The following PIK3C3 variants were observed in gnomAD, a reference collection of about 807,000 sequenced individuals.
PIK3C3 encodes the protein phosphatidylinositol 3-kinase catalytic subunit type 3.
In PIK3C3, 95 loss-of-function variants were observed where a neutral mutation model predicts 126.1. The ratio of observed to expected loss-of-function variants is 0.75; its 90% confidence interval spans 0.64 to 0.89. The LOEUF is 0.89. Among genes scored for constraint, PIK3C3 ranks in the 40% least tolerant of loss-of-function variants. The pLI is 0.00. For synonymous variants in PIK3C3, 374 were observed against 360.0 expected (o/e 1.04, Z -0.44); for missense variants, 829 against 1,063.2 (o/e 0.78, Z 3.06).
chr18:41,985,654 G>C (rs889978944), intron 4 of PIK3C3, among the ~76,000 whole-genome samples: 4 of 152,018 alleles, frequency 2.6e-5, no homozygotes, highest in Non-Finnish European at 4.4e-5. Context: ...TGCAAATATG[G>C]TGCACAAATG....
At chr18:42,040,627 A>G (rs1409990685) in intron 18 of PIK3C3, 50 bp from the exon 19 acceptor site, 6 of 1,248,888 alleles carry the variant, frequency 4.8e-6, no homozygotes, top group Non-Finnish European at 6.9e-6. Flanking sequence ...CTTTATTTTT[A>G]TTTCTTAACC....
chr18:42,069,861 A>G (rs1214801717), intron 24 of PIK3C3, among the ~76,000 whole-genome samples: 1 of 152,242 alleles, frequency 6.6e-6, no homozygotes, highest in African/African-American at 2.4e-5. Context: ...ATAGCTACAC[A>G]AGCATCTCCA....
chr18:41,958,778 A>G (rs185054511), intron 2 of PIK3C3, among the ~76,000 whole-genome samples: 1,600 of 152,124 alleles, frequency 0.011, 21 homozygotes, highest in Middle Eastern at 0.065. Flanking sequence ...AAATATATAT[A>G]TATACTTAAT....
In PIK3C3 at chr18:42,087,010, A is replaced by G. The variant is rs1318002505; in HGVS notation, c.*5873A>G. On this transcript the variant is annotated 3_prime_UTR_variant, in exon 25 of 25. Transcript: ENST00000262039. ...AGTGCCAGTTTCCTTCTGTGGTGCA[A>G]AACTAGGTGCTAAGTACACTTTTTC... 1 of 152,124 alleles carries G rather than the reference A, an allele frequency of 6.6e-6. No individual in the cohort carries two copies. The highest frequency in any genetic ancestry group is 2.4e-5 in the African/African-American group (1 of 41,402). The allele number at this position is 152,124 out of a possible 1,614,324, so 9.4% of individuals were successfully genotyped here.
At chr18:42,076,621 G>A (rs1233309592) in intron 24 of PIK3C3, among the ~76,000 whole-genome samples, 1 of 152,088 alleles carries the variant, frequency 6.6e-6, no homozygotes, top group Non-Finnish European at 1.5e-5. Flanking sequence ...AAGAATACAG[G>A]CACTTGCTAT....
In PIK3C3 at chr18:41,999,056, C is replaced by T. The variant is rs535210128; in HGVS notation, c.984+2326C>T. ...TTTTTATTTTTTAATTAAATTTTGT[C>T]TTTCTACCCCCTTTTTTTTTCCTTA... On this transcript the variant is annotated intron_variant, in intron 9 of 24. Coordinates refer to ENST00000262039, the MANE Select transcript of PIK3C3 (RefSeq NM_002647.4). 3.0e-4 allele frequency among the ~76,000 whole-genome samples: 45 copies of T among 152,060 alleles called. 1 individual carries two copies. Among genetic ancestry groups the T allele is most frequent in the Admixed American group, 2.6e-3 (39 of 15,254 alleles).
intron 9 of PIK3C3, 66 bp downstream of exon 9, chr18:41,996,796 G>A (rs1313685646): frequency 2.4e-6 from 2 of 821,810 alleles, no homozygotes; most frequent in Non-Finnish European, 4.0e-6. Context: ...TGATCAAGAT[G>A]AGGAAAATGC....
intron 5 of PIK3C3, 46 bp from the exon 6 acceptor site, chr18:41,990,413 A>G (rs756577444): frequency 9.3e-7 from 1 of 1,076,552 alleles, no homozygotes; most frequent in East Asian, 2.4e-5. Flanking sequence ...CCTTTAAGAG[A>G]ATGTTGAAAA....
intron 23 of PIK3C3, 76 bp downstream of exon 23, chr18:42,064,906 G>T: frequency 1.3e-6 from 1 of 763,778 alleles, no homozygotes; most frequent in Non-Finnish European, 2.3e-6. Context: ...AACCTCTCAA[G>T]TCTCTGCAGC....
In PIK3C3 at chr18:42,081,174, A is replaced by G; in HGVS notation, c.*37A>G. ...ACCCATCAAGATGCTTGGCTCAATAAGAAAACCACGTTAGGAGCAACCTTT... is the reference window on the plus strand; with the variant it reads ...ACCCATCAAGATGCTTGGCTCAATAGGAAAACCACGTTAGGAGCAACCTTT... On this transcript the variant is annotated 3_prime_UTR_variant, in exon 25 of 25. Transcript: ENST00000262039. 1 of 1,519,466 alleles carries G rather than the reference A, an allele frequency of 6.6e-7. No homozygotes were observed. Among genetic ancestry groups the G allele is most frequent in the Non-Finnish European group, 9.1e-7 (1 of 1,102,330 alleles). 94.1% of individuals were successfully genotyped at this position (1,519,466 alleles called of 1,614,324 possible).
intron 21 of PIK3C3, among the ~76,000 whole-genome samples, chr18:42,054,476 C>G (rs1984971707): frequency 6.6e-6 from 1 of 151,852 alleles, no homozygotes; most frequent in Admixed American, 6.6e-5. Flanking sequence ...CCCACTGACT[C>G]AAATATTAAT....
At chr18:41,961,046 C>T (rs11876578) in intron 2 of PIK3C3, among the ~76,000 whole-genome samples, 2 of 151,952 alleles carry the variant, frequency 1.3e-5, no homozygotes, top group African/African-American at 4.8e-5. Context: ...GCAGAAGCCT[C>T]GTATATAAAA....
intron 9 of PIK3C3, among the ~76,000 whole-genome samples, chr18:42,002,276 G>A (rs897835513): frequency 1.3e-5 from 2 of 152,156 alleles, no homozygotes; most frequent in Non-Finnish European, 2.9e-5. Flanking sequence ...AGTTAACTGG[G>A]CTGAAGCATG....
intron 20 of PIK3C3, among the ~76,000 whole-genome samples, chr18:42,048,389 C>T (rs1434131781): frequency 2.6e-5 from 4 of 152,218 alleles, no homozygotes; most frequent in South Asian, 2.1e-4. Flanking sequence ...CTGAGTCAGC[C>T]GCTTGCTTAA....
intron 3 of PIK3C3, among the ~76,000 whole-genome samples, chr18:41,968,996 T>C (rs1274965996): frequency 2.0e-5 from 3 of 151,724 alleles, no homozygotes; most frequent in East Asian, 1.9e-4. Context: ...TTTTTTTTTA[T>C]TTTTTAGAGA....
chr18:41,977,205 T>C (rs865822526), intron 4 of PIK3C3, among the ~76,000 whole-genome samples: 3 of 152,176 alleles, frequency 2.0e-5, no homozygotes, highest in South Asian at 2.1e-4. Flanking sequence ...ATGAATGATA[T>C]ATGGCTTCAG....
chr18:42,002,261 A>T (rs1360938468), intron 9 of PIK3C3, among the ~76,000 whole-genome samples: 1 of 152,194 alleles, frequency 6.6e-6, no homozygotes, highest in African/African-American at 2.4e-5. Flanking sequence ...GACATTGTTA[A>T]TGTAAGTTAA....
rs80340014 is a variant in PIK3C3, at chr18:42,017,325, C to T, written c.1416+1759C>T. ...CTTGGAGTTTCAGGAGAACATTATA[C>T]GTGTCTGGCCAAATGTTTGAAAGGA... On this transcript the variant is annotated intron_variant, in intron 12 of 24. Transcript: ENST00000262039. Among the ~76,000 whole-genome samples, 538 of 152,166 alleles carry T rather than the reference C, an allele frequency of 3.5e-3. 18 individuals are homozygous for T. In the East Asian group the frequency reaches 0.084, roughly 24 times the overall value.
intron 20 of PIK3C3, among the ~76,000 whole-genome samples, chr18:42,045,911 T>C (rs1169212629): frequency 6.6e-6 from 1 of 152,208 alleles, no homozygotes; most frequent in Non-Finnish European, 1.5e-5. Flanking sequence ...ACAAAATACA[T>C]ACACACACGC....
Sources: allele counts gnomAD v4.1 joint callset (sites outside exome capture counted in the v4.1 genomes callset), GRCh38; gene constraint gnomAD v4.1.1; transcripts MANE v1.5; gene names NCBI Gene and HGNC (gene_info 2026-07-23, HGNC 2026-07-21).